Variants in PCNP observed in about 807,000 individuals in gnomAD.
The protein encoded by PCNP is PEST proteolytic signal-containing nuclear protein.
A neutral mutation model predicts 21.8 loss-of-function variants in PCNP; 6 were observed. That is an observed-to-expected ratio of 0.28 (90% confidence interval 0.15 to 0.54). PCNP has a LOEUF of 0.54. PCNP is among the 20% of genes least tolerant of loss of function. PCNP has a pLI of 0.95. For missense variants in PCNP, 161 were observed against 215.5 expected, an observed-to-expected ratio of 0.75 and a Z score of 1.58; for synonymous variants, 67 against 73.2, an observed-to-expected ratio of 0.92 and a Z score of 0.43.
intron 2 of PCNP, 113 bp from the exon 3 acceptor site, chr3:101,585,324 C>G: frequency 1.5e-6 from 1 of 663,714 alleles, no homozygotes; most frequent in Non-Finnish European, 2.5e-6. Flanking sequence ...CGTTACTATA[C>G]AAATTTCTGT....
intron 1 of PCNP, 39 bp downstream of exon 1, chr3:101,574,318 T>C (rs1440656910): frequency 1.4e-6 from 2 of 1,391,030 alleles, no homozygotes; most frequent in African/African-American, 1.5e-5. Flanking sequence ...CGTGGGATGC[T>C]CCGGGCCTTT....
chr3:101,580,955 G>T (rs1935190659), intron 2 of PCNP, among the ~76,000 whole-genome samples: 2 of 152,156 alleles, frequency 1.3e-5, no homozygotes. Flanking sequence ...TTTTATTTGT[G>T]CTATGAAAGT....
rs1261052149 is a variant in PCNP at position 101,590,837 on chromosome 3, C to T, written c.410+567C>T. Among the ~76,000 whole-genome samples, 4 of 152,102 alleles carry T rather than the reference C, an allele frequency of 2.6e-5. No individual in the cohort carries two copies. In the East Asian group the frequency reaches 7.7e-4, roughly 29 times the overall value. On this transcript the variant is annotated intron_variant, in intron 4 of 4. Coordinates refer to ENST00000265260, the MANE Select transcript of PCNP (RefSeq NM_020357.3). ...GTGCTGGGATTACAGGTGTAAGCCA[C>T]CATGCCCAGCTGTTTTTTCAAATAA...
chr3:101,576,526 C>G, intron 1 of PCNP: 4 of 1,610,208 alleles, frequency 2.5e-6, no homozygotes, highest in Non-Finnish European at 1.7e-6. Context: ...GCGGCCACGG[C>G]GGCCAGTGGT....
At chr3:101,574,389 C>T in intron 1 of PCNP, 110 bp downstream of exon 1, 1 of 1,339,522 alleles carries the variant, frequency 7.5e-7, no homozygotes, top group East Asian at 2.8e-5. Context: ...CTGGACCTCA[C>T]CCGGCCAGGT....
At chr3:101,592,518 A>G in intron 4 of PCNP, 109 bp from the exon 5 acceptor site, 1 of 806,888 alleles carries the variant, frequency 1.2e-6, no homozygotes, top group South Asian at 2.0e-5. Flanking sequence ...TCCAGTGTTC[A>G]GTCTGTGTTT....
At position 101,585,311 on chromosome 3, in the gene PCNP, G is replaced by A. The variant is rs1576616183; in HGVS notation, c.280-126G>A. On this transcript the variant is annotated intron_variant, in intron 2 of 4. Coordinates refer to ENST00000265260, the MANE Select transcript of PCNP (RefSeq NM_020357.3). Reference sequence around the variant, plus strand: ...AGAATGGATTTGTCCAAAGTATTGGGTTCGTTACTATACAAATTTCTGTGG... The same window carrying A: ...AGAATGGATTTGTCCAAAGTATTGGATTCGTTACTATACAAATTTCTGTGG... 5 of 602,848 alleles carry A rather than the reference G, an allele frequency of 8.3e-6. No homozygotes were observed. The East Asian group carries it at 1.5e-4, about 18-fold the overall frequency. 37.3% of individuals were successfully genotyped at this position (602,848 alleles called of 1,614,324 possible).
chr3:101,583,287 C>G (rs558555260), intron 2 of PCNP, among the ~76,000 whole-genome samples: 14 of 152,176 alleles, frequency 9.2e-5, no homozygotes, highest in Admixed American at 3.9e-4. Flanking sequence ...AAAACTCCAT[C>G]TCTACTGAAA....
chr3:101,578,904 A>T (rs780802371), intron 1 of PCNP, among the ~76,000 whole-genome samples: 7 of 152,160 alleles, frequency 4.6e-5, no homozygotes, highest in Non-Finnish European at 8.8e-5. Flanking sequence ...AGTTTTAATC[A>T]TCAGCCAGCC....
At chr3:101,589,599 A>G (rs1012619638) in intron 3 of PCNP, 2 of 152,424 alleles carry the variant, frequency 1.3e-5, no homozygotes, top group African/African-American at 4.8e-5. Flanking sequence ...TTTGGTAGAG[A>G]CGGGGTTTCA....
At position 101,578,050 on chromosome 3, in the gene PCNP, A is replaced by G. The variant is rs116667114; in HGVS notation, c.65-1740A>G. Among the ~76,000 whole-genome samples the G allele has an allele frequency of 3.1e-3, 471 of 152,286 alleles. 3 individuals are homozygous for G. Among genetic ancestry groups the G allele is most frequent in the African/African-American group, 0.01 (419 of 41,564 alleles). On this transcript the variant is annotated intron_variant, in intron 1 of 4. Transcript: ENST00000265260. ...TATTTTATCCATGTTTTATGTTCTA[A>G]ATTGATAAGTTATTTTCTCATTTTT... is the stretch of plus-strand genomic sequence containing the variant.
chr3:101,589,410 C>CTTTT (rs35442732), intron 3 of PCNP, among the ~76,000 whole-genome samples: 2 of 146,034 alleles, frequency 1.4e-5, no homozygotes. Context: ...AATGAGCTCT[C>CTTTT]TTTTTTTTTT....
intron 2 of PCNP, among the ~76,000 whole-genome samples, chr3:101,580,720 A>T (rs1935180633): frequency 6.6e-6 from 1 of 152,220 alleles, no homozygotes; most frequent in African/African-American, 2.4e-5. Context: ...AATACTTATT[A>T]ACCATGGAAC....
chr3:101,576,543 G>A (rs1186194243), intron 1 of PCNP: 3 of 1,610,606 alleles, frequency 1.9e-6, no homozygotes, highest in Non-Finnish European at 2.5e-6. Flanking sequence ...TGGTCTTGGT[G>A]TGCTGGCCTC....
chr3:101,587,202 A>G (rs1576619277), intron 3 of PCNP, among the ~76,000 whole-genome samples: 4 of 151,854 alleles, frequency 2.6e-5, no homozygotes, highest in Non-Finnish European at 4.4e-5. Context: ...GTGAGCCAAG[A>G]TCGTGCCATT....
At chr3:101,575,893 T>C (rs890496482) in intron 1 of PCNP, among the ~76,000 whole-genome samples, 8 of 152,220 alleles carry the variant, frequency 5.3e-5, no homozygotes, top group African/African-American at 1.9e-4. Context: ...ACTTTGCTAA[T>C]TGGTATCAGA....
chr3:101,574,241 A>T lies in PCNP; in HGVS notation c.26A>T (p.Glu9Val), dbSNP rs769550715. ...ATGGCGGACGGGAAGGCGGGAGACGAGAAGCCTGAAAAGTCGCAGCGAGCT... is the reference window on the plus strand; with the variant it reads ...ATGGCGGACGGGAAGGCGGGAGACGTGAAGCCTGAAAAGTCGCAGCGAGCT... MADGKAGDEKPEKSQRAGA... is the reference protein window; with the variant it reads MADGKAGDVKPEKSQRAGA... Residue 9 changes from glutamate to valine, a missense_variant, in exon 1 of 5, where the codon GAG (glutamate) becomes GTG (valine). Physicochemically the swap from Glu to Val is moderately radical, Grantham distance 121. This residue lies in a region of PCNP where 43 missense variants were observed against 26.6 expected (regional missense o/e 1.62). Transcript: ENST00000265260. 6.5e-7 allele frequency: 1 copy of T among 1,549,656 alleles called. No homozygotes were observed. The highest frequency in any genetic ancestry group is 2.0e-5 in the Admixed American group (1 of 50,794).
chr3:101,585,570 G>T (rs3804776), intron 3 of PCNP, 59 bp downstream of exon 3: 492,100 of 1,089,398 alleles, frequency 0.45, 113,296 homozygotes, highest in Non-Finnish European at 0.49. Flanking sequence ...GAAGGTATTA[G>T]TGGCAAATTA....
In PCNP at chr3:101,576,577, C is replaced by A. The variant is rs568231273; in HGVS notation, c.64+2298C>A. ...TCGGACACGAAGGCCCCAGAAGTGA[C>A]GCAGCCCTCTATGGGCCCGAATCTT... is the stretch of plus-strand genomic sequence containing the variant. On this transcript the variant is annotated intron_variant, in intron 1 of 4. Coordinates refer to ENST00000265260, the MANE Select transcript of PCNP (RefSeq NM_020357.3). 44 of 1,611,024 alleles carry A rather than the reference C, an allele frequency of 2.7e-5. No homozygotes were observed. In the African/African-American group the frequency reaches 5.9e-4, roughly 21 times the overall value.
Sources: allele counts gnomAD v4.1 joint callset (sites outside exome capture counted in the v4.1 genomes callset), GRCh38; gene constraint gnomAD v4.1.1; regional missense constraint gnomAD v4.1.1; transcripts MANE v1.5; gene names NCBI Gene and HGNC (gene_info 2026-07-23, HGNC 2026-07-21).